PPP1R9A: variants seen among roughly 807,000 people sequenced by gnomAD.
PPP1R9A encodes neurabin-1.
A neutral mutation model predicts 141.9 loss-of-function variants in PPP1R9A; 59 were observed. The ratio of observed to expected loss-of-function variants is 0.42; its 90% CI spans 0.34 to 0.52. The LOEUF (loss-of-function observed/expected upper bound fraction) is 0.52. Ranked by LOEUF, PPP1R9A falls within the 20% of genes least tolerant of loss-of-function variation. The probability of loss-of-function intolerance (pLI) is 0.10; values close to 1 mark genes in which losing one functional copy is unlikely to be tolerated. For synonymous variants in PPP1R9A, 500 were observed against 569.7 expected, an observed-to-expected ratio of 0.88 and a Z score of 1.74; for missense variants, 1,444 against 1,611.9, an observed-to-expected ratio of 0.90 and a Z score of 1.78.
intron 15 of PPP1R9A, 42 bp downstream of exon 15, chr7:95,274,028 G>A (rs749809234): frequency 3.3e-6 from 5 of 1,496,542 alleles, no homozygotes; most frequent in Non-Finnish European, 4.6e-6. Context: ...TCTGTAAAAG[G>A]AGGATTGAAA....
chr7:95,049,014 A>G (rs982687617), intron 2 of PPP1R9A, among the ~76,000 whole-genome samples: 1 of 151,116 alleles, frequency 6.6e-6, no homozygotes, highest in African/African-American at 2.5e-5. Context: ...TGAACAGTTG[A>G]AAAATAAAGC....
At chr7:95,282,049 T>TA (rs887809695) in intron 16 of PPP1R9A, among the ~76,000 whole-genome samples, 5 of 150,810 alleles carry the variant, frequency 3.3e-5, no homozygotes, top group African/African-American at 1.2e-4. Context: ...GAACCTAAGC[T>TA]AAAAAACAAG....
chr7:95,134,727 G>T (rs1396400351), intron 4 of PPP1R9A, among the ~76,000 whole-genome samples: 6 of 152,172 alleles, frequency 3.9e-5, no homozygotes, highest in African/African-American at 9.7e-5. Context: ...GAGCCACCAC[G>T]CCCGGCCTAT....
At chr7:95,137,415 CAA>C (rs33928009) in intron 4 of PPP1R9A, among the ~76,000 whole-genome samples, 11,575 of 90,978 alleles carry the variant, frequency 0.13, 358 homozygotes, top group East Asian at 0.18. Context: ...GACATGAACT[CAA>C]AAAAAAAAAA....
Position 94,910,346 on chromosome 7 carries a change from A to G in PPP1R9A, c.233A>G (p.Asn78Ser), listed in dbSNP as rs569938281. 99 of 1,614,142 alleles carry G rather than the reference A, an allele frequency of 6.1e-5. 1 individual carries two copies. In the Middle Eastern group the frequency reaches 6.6e-4, roughly 11 times the overall value. Reference sequence around the variant, plus strand: ...TTTATGCAGATGGGTATGGAACCCAACGAGAATGCTGCAGTCATTGCCAAA... The same window carrying G: ...TTTATGCAGATGGGTATGGAACCCAGCGAGAATGCTGCAGTCATTGCCAAA... ...NLFMQMGMEP[N>S]ENAAVIAKTR... Residue 78 changes from asparagine to serine, a missense_variant, in exon 2 of 20, where the codon AAC becomes AGC. Coordinates refer to ENST00000433360, the MANE Select transcript of PPP1R9A (RefSeq NM_001166160.2). The surrounding 1 kb of genome is among the most constrained non-coding windows in gnomAD (Gnocchi z 4.5).
rs369932430 is a variant in PPP1R9A, at chr7:95,189,668, C to T, written c.1755-8681C>T. On this transcript the variant is annotated intron_variant, in intron 5 of 19. Coordinates refer to ENST00000433360, the MANE Select transcript of PPP1R9A (RefSeq NM_001166160.2). ...AGCCGGGATGGTCTCGATCTCCTGA[C>T]CTCGTGATCCGCCTGCCTCGGCCTC... is the stretch of plus-strand genomic sequence containing the variant. Among the ~76,000 whole-genome samples, 646 of 151,798 alleles carry T rather than the reference C, an allele frequency of 4.3e-3. 3 individuals carry two copies. The highest frequency in any genetic ancestry group is 0.014 in the African/African-American group (582 of 41,402).
At chr7:95,277,009 G>T (rs1326743225) in intron 16 of PPP1R9A, among the ~76,000 whole-genome samples, 6 of 152,172 alleles carry the variant, frequency 3.9e-5, no homozygotes, top group Non-Finnish European at 7.4e-5. Flanking sequence ...ACCATCAGCT[G>T]CAGGGTCGCA....
chr7:95,141,577 A>G (rs909571364), intron 4 of PPP1R9A, among the ~76,000 whole-genome samples: 1 of 151,034 alleles, frequency 6.6e-6, no homozygotes, highest in Non-Finnish European at 1.5e-5. Context: ...GTCTCTATAC[A>G]TTTGGCTCTC....
intron 2 of PPP1R9A, among the ~76,000 whole-genome samples, chr7:94,954,471 A>G (rs1796848932): frequency 6.6e-6 from 1 of 151,906 alleles, no homozygotes; most frequent in Admixed American, 6.6e-5. Flanking sequence ...TTGGATGCAA[A>G]TATAGCTAAA....
chr7:95,261,424 C>T (rs1800409445), intron 12 of PPP1R9A, among the ~76,000 whole-genome samples: 1 of 151,998 alleles, frequency 6.6e-6, no homozygotes, highest in Admixed American at 6.6e-5. Context: ...ATGTCTAAGA[C>T]CTATAAGGAA....
intron 2 of PPP1R9A, among the ~76,000 whole-genome samples, chr7:94,953,282 A>ATT (rs1389751560): frequency 2.0e-5 from 3 of 152,112 alleles, no homozygotes; most frequent in African/African-American, 7.2e-5. Flanking sequence ...GTGTGGCATT[A>ATT]TTGCTGAGGC....
At chr7:94,933,976 A>T (rs1467822902) in intron 2 of PPP1R9A, among the ~76,000 whole-genome samples, 1 of 152,220 alleles carries the variant, frequency 6.6e-6, no homozygotes, top group Non-Finnish European at 1.5e-5. Context: ...CAAAGTAAAG[A>T]CGTATGTTCT....
chr7:95,163,455 C>T (rs1019574915), intron 5 of PPP1R9A, among the ~76,000 whole-genome samples: 1 of 152,186 alleles, frequency 6.6e-6, no homozygotes, highest in African/African-American at 2.4e-5. Flanking sequence ...AACTCTAGTA[C>T]AGGTTGAGTA....
rs1281729334 is a variant in PPP1R9A, at chr7:95,288,461, A to G, written c.3730-75A>G. 2.0e-6 allele frequency: 3 copies of G among 1,533,202 alleles called. No homozygotes were observed. In the African/African-American group the frequency reaches 4.1e-5, roughly 21 times the overall value. The allele number at this position is 1,533,202 out of a possible 1,614,324, so 95.0% of individuals were successfully genotyped here. A position where few individuals can be genotyped will look rare whatever the true frequency, so the allele number is the denominator to read the frequency against. On this transcript the variant is annotated intron_variant, in intron 18 of 19. Coordinates refer to ENST00000433360, the MANE Select transcript of PPP1R9A (RefSeq NM_001166160.2). ...TAAATGTGGCTCTCATAGGTTAAGAAATTCCTTTTGATAGCATAATATGAG... is the reference window on the plus strand; with the variant it reads ...TAAATGTGGCTCTCATAGGTTAAGAGATTCCTTTTGATAGCATAATATGAG...
intron 2 of PPP1R9A, among the ~76,000 whole-genome samples, chr7:95,089,323 T>C: frequency 6.6e-6 from 1 of 152,030 alleles, no homozygotes; most frequent in East Asian, 1.9e-4. Flanking sequence ...GCTCCATCTC[T>C]TTCATGTGAA....
intron 2 of PPP1R9A, among the ~76,000 whole-genome samples, chr7:95,001,287 A>G (rs1053265815): frequency 4.6e-5 from 7 of 152,176 alleles, no homozygotes; most frequent in Non-Finnish European, 8.8e-5. Context: ...TTGAAAGTAA[A>G]ACATACAAAC....
At chr7:95,052,772 A>G (rs945137263) in intron 2 of PPP1R9A, among the ~76,000 whole-genome samples, 1 of 152,192 alleles carries the variant, frequency 6.6e-6, no homozygotes, top group Non-Finnish European at 1.5e-5. Flanking sequence ...GCATCAACCA[A>G]TAGTCAGGAA....
intron 2 of PPP1R9A, among the ~76,000 whole-genome samples, chr7:94,962,001 T>C (rs184080748): frequency 2.4e-4 from 36 of 152,116 alleles, no homozygotes; most frequent in African/African-American, 8.7e-4. Flanking sequence ...GGTTTCGGGA[T>C]AGAAACTTTA....
intron 16 of PPP1R9A, among the ~76,000 whole-genome samples, chr7:95,279,338 C>G (rs1449151655): frequency 1.3e-5 from 2 of 152,104 alleles, no homozygotes; most frequent in Non-Finnish European, 2.9e-5. Flanking sequence ...GGAAACACAC[C>G]TTTTAGAAGA....
Sources: allele counts gnomAD v4.1 joint callset (sites outside exome capture counted in the v4.1 genomes callset), GRCh38; gene constraint gnomAD v4.1.1; non-coding constraint Gnocchi (gnomAD v3.1); transcripts MANE v1.5; gene names NCBI Gene and HGNC (gene_info 2026-07-23, HGNC 2026-07-21).